Variants in ZNF726 observed in about 807,000 individuals in gnomAD.
ZNF726 encodes zinc finger protein 92 pseudogene 3.
Under a neutral mutation model 11.6 loss-of-function variants are expected in ZNF726, and 15 were observed. The observed-to-expected ratio is 1.29, with a 90% CI of 0.86 to 1.99. The LOEUF is 1.99. Among genes scored for constraint, ZNF726 ranks in the 30% most tolerant of loss-of-function variants. The pLI is 0.00. For synonymous variants in ZNF726, 295 were observed against 243.6 expected, an observed-to-expected ratio of 1.21 and a Z score of -1.96; for missense variants, 890 against 725.6, an observed-to-expected ratio of 1.23 and a Z score of -2.60.
Position 23,932,345 on chromosome 19 carries a change from A to G in ZNF726, c.229A>G (p.Ile77Val), listed in dbSNP as rs771985315. The change falls in exon 4 of 4, where the codon ATA (isoleucine) becomes GTA (valine). Residue 77 changes from isoleucine to valine, a missense_variant and splice_region_variant. Coordinates refer to ENST00000594466, the MANE Select transcript of ZNF726 (RefSeq NM_001244038.2). ...RDEMVDEPPG[I>V]CPHFAQDIWP... Reference sequence around the variant, plus strand: ...AAATTATTTTAATTTTTTTTTAGGTATATGTCCTCATTTTGCTCAAGACAT... The same window carrying G: ...AAATTATTTTAATTTTTTTTTAGGTGTATGTCCTCATTTTGCTCAAGACAT... 4.3e-6 allele frequency: 6 copies of G among 1,399,010 alleles called. No homozygotes were observed. Among genetic ancestry groups the G allele is most frequent in the East Asian group, 5.2e-5 (2 of 38,770 alleles). The allele number at this position is 1,399,010 out of a possible 1,614,324, so 86.7% of individuals were successfully genotyped here.
chr19:23,932,539 G>A lies in ZNF726; in HGVS notation c.423G>A (p.Gln141=). Reference sequence around the variant, plus strand: ...TTAACCAGTGTTTCACAACTACCCAGGGCAAAGCTTCTCAATGTGGTAAAT... The same window carrying A: ...TTAACCAGTGTTTCACAACTACCCAAGGCAAAGCTTCTCAATGTGGTAAAT... ...NGLNQCFTTT[Q]GKASQCGKYL... The change falls in exon 4 of 4, where the codon CAG becomes CAA. Residue 141 remains glutamine, a synonymous_variant. Coordinates refer to ENST00000594466, the MANE Select transcript of ZNF726 (RefSeq NM_001244038.2). The A allele has an allele frequency of 3.8e-6, 6 of 1,589,388 alleles. No individual in the cohort carries two copies. Among genetic ancestry groups the A allele is most frequent in the Non-Finnish European group, 5.1e-6 (6 of 1,172,158 alleles).
rs149755454 is a variant in ZNF726 at position 23,927,079 on chromosome 19, G to A, written c.227-5264G>A. Among the ~76,000 whole-genome samples, 117 of 152,208 alleles carry A rather than the reference G, an allele frequency of 7.7e-4. 1 individual carries two copies. Among genetic ancestry groups the A allele is most frequent in the African/African-American group, 2.5e-3 (102 of 41,528 alleles). ...TGCAACCTCTGCCTCCCAGGTTCAA[G>A]CAATTCTCCTGTCTCAACTTCCAGA... On this transcript the variant is annotated intron_variant, in intron 3 of 3. Transcript: ENST00000594466.
intron 1 of ZNF726, 59 bp downstream of exon 1, chr19:23,915,056 G>A: frequency 6.2e-7 from 1 of 1,613,206 alleles, no homozygotes; most frequent in South Asian, 1.1e-5. Flanking sequence ...GAACCGGTGG[G>A]AAGCGGCAGT....
Position 23,933,181 on chromosome 19 carries a change from C to A in ZNF726, c.1065C>A (p.His355Gln). 1 of 1,598,816 alleles carries A rather than the reference C, an allele frequency of 6.3e-7. No individual in the cohort carries two copies. The highest frequency in any genetic ancestry group is 8.5e-7 in the Non-Finnish European group (1 of 1,172,822). The change falls in exon 4 of 4, where the codon CAC becomes CAA. Residue 355 changes from histidine to glutamine, a missense_variant. His to Gln is a conservative substitution (Grantham distance 24). Transcript: ENST00000594466. ...CCAAAGCTTTTAGCCAATTCGGACA[C>A]CTTACTACACATAGGATAATTCATA... ...ECAKAFSQFGHLTTHRIIHTG... is the reference protein window; with the variant it reads ...ECAKAFSQFGQLTTHRIIHTG...
At chr19:23,937,559 G>C (rs1279922521), downstream of ZNF726, among the ~76,000 whole-genome samples, 1 of 151,772 alleles carries the variant, frequency 6.6e-6, no homozygotes, top group Non-Finnish European at 1.5e-5. Flanking sequence ...CAGCCGGGCA[G>C]AGACGCTCCT....
At chr19:23,938,056 T>C (rs967560703), downstream of ZNF726, among the ~76,000 whole-genome samples, 3 of 152,188 alleles carry the variant, frequency 2.0e-5, no homozygotes, top group Admixed American at 6.5e-5. Flanking sequence ...TACTCAATGG[T>C]GTAGGTAAAA....
chr19:23,916,429 C>T (rs1007653970), intron 1 of ZNF726, among the ~76,000 whole-genome samples: 18 of 151,982 alleles, frequency 1.2e-4, no homozygotes, highest in Admixed American at 7.9e-4. Context: ...GCCTCCTGGG[C>T]TCAAACGGTT....
In ZNF726 at chr19:23,933,082, T is replaced by C; in HGVS notation, c.966T>C (p.Phe322=). 6.2e-7 allele frequency: 1 copy of C among 1,612,326 alleles called. No individual in the cohort carries two copies. The highest frequency in any genetic ancestry group is 1.1e-5 in the South Asian group (1 of 91,060). The change falls in exon 4 of 4, where the codon TTT becomes TTC. Residue 322 remains phenylalanine (F), a synonymous_variant. Coordinates refer to ENST00000594466, the MANE Select transcript of ZNF726 (RefSeq NM_001244038.2). Reference sequence around the variant, plus strand: ...AATGTGAAGAATGTGGCAAAGCATTTGTTTGGTCCTCAACCCTAACTAGAC... The same window carrying C: ...AATGTGAAGAATGTGGCAAAGCATTCGTTTGGTCCTCAACCCTAACTAGAC... ...PYKCEECGKA[F]VWSSTLTRHK...
chr19:23,942,886 G>T (rs1255466676), intron 3 of ZNF726, among the ~76,000 whole-genome samples: 1 of 152,186 alleles, frequency 6.6e-6, no homozygotes, highest in East Asian at 1.9e-4. Context: ...TAGTTGGTGA[G>T]TTCTTGTCCA....
At chr19:23,922,291 C>T (rs1423539927) in intron 3 of ZNF726, among the ~76,000 whole-genome samples, 2 of 151,854 alleles carry the variant, frequency 1.3e-5, no homozygotes, top group Non-Finnish European at 2.9e-5. Flanking sequence ...GGCTTTCACC[C>T]AGTACAAGAG....
chr19:23,931,664 C>T (rs985127940), intron 3 of ZNF726, among the ~76,000 whole-genome samples: 1 of 152,102 alleles, frequency 6.6e-6, no homozygotes, highest in Non-Finnish European at 1.5e-5. Flanking sequence ...ATTGTCTTGG[C>T]TCATCATTAT....
downstream of ZNF726, among the ~76,000 whole-genome samples, chr19:23,936,589 A>G (rs953121177): frequency 9.9e-5 from 15 of 152,252 alleles, no homozygotes; most frequent in Admixed American, 2.6e-4. Flanking sequence ...GGACATTAAA[A>G]TGTAAGATAC....
Position 23,923,471 on chromosome 19 carries a change from G to A in ZNF726, c.226+3389G>A, listed in dbSNP as rs1433203816. The A allele has an allele frequency of 3.8e-5, 13 of 342,234 alleles. No homozygotes were observed. The East Asian group carries it at 4.5e-4, about 12-fold the overall frequency. The allele number at this position is 342,234 out of a possible 1,614,324, so 21.2% of individuals were successfully genotyped here. A position where few individuals can be genotyped will look rare whatever the true frequency, so the allele number is the denominator to read the frequency against. ...CTGTCACCCAGGCTGGAGTGCAGTGGCGTGATCTTGGCTCACTGCAACCTC... is the reference window on the plus strand; with the variant it reads ...CTGTCACCCAGGCTGGAGTGCAGTGACGTGATCTTGGCTCACTGCAACCTC... On this transcript the variant is annotated intron_variant, in intron 3 of 3. Transcript: ENST00000594466.
chr19:23,941,152 C>T (rs568219539), intron 3 of ZNF726, among the ~76,000 whole-genome samples: 2 of 152,128 alleles, frequency 1.3e-5, no homozygotes, highest in African/African-American at 4.8e-5. Flanking sequence ...AGTTGTGACC[C>T]CTGTATGCCA....
intron 1 of ZNF726, among the ~76,000 whole-genome samples, chr19:23,918,497 T>C (rs1204836022): frequency 2.0e-5 from 3 of 152,158 alleles, no homozygotes; most frequent in Non-Finnish European, 4.4e-5. Flanking sequence ...AAAATGATGT[T>C]TTCTTAGGGC....
chr19:23,916,442 C>T (rs988322257), intron 1 of ZNF726, among the ~76,000 whole-genome samples: 7 of 152,030 alleles, frequency 4.6e-5, no homozygotes, highest in Non-Finnish European at 1.0e-4. Context: ...AAACGGTTCT[C>T]ATTTCTGTCT....
chr19:23,925,181 C>T (rs972832026), intron 3 of ZNF726, among the ~76,000 whole-genome samples: 1 of 151,986 alleles, frequency 6.6e-6, no homozygotes, highest in Non-Finnish European at 1.5e-5. Flanking sequence ...CGATTTTTTT[C>T]AAGGCTGAAT....
At chr19:23,936,971 G>T (rs907099931), downstream of ZNF726, among the ~76,000 whole-genome samples, 44 of 152,050 alleles carry the variant, frequency 2.9e-4, no homozygotes, top group African/African-American at 1.1e-3. Flanking sequence ...TGAGCTGTTG[G>T]GTACACCTCC....
Position 23,934,474 on chromosome 19 carries a change from G to T in ZNF726, c.*507G>T, listed in dbSNP as rs535553405. On this transcript the variant is annotated 3_prime_UTR_variant, in exon 4 of 4. Coordinates refer to ENST00000594466, the MANE Select transcript of ZNF726 (RefSeq NM_001244038.2). ...TTCAAACTGGAAAGAAACCCTGCAAGTCTGAAGAATGTGGGAAATCTTTCT... is the reference window on the plus strand; with the variant it reads ...TTCAAACTGGAAAGAAACCCTGCAATTCTGAAGAATGTGGGAAATCTTTCT... The T allele has an allele frequency of 2.3e-5, 9 of 388,996 alleles. No homozygotes were observed. Among genetic ancestry groups the T allele is most frequent in the Middle Eastern group, 4.7e-4 (1 of 2,150 alleles). The allele number at this position is 388,996 out of a possible 1,614,324, so 24.1% of individuals were successfully genotyped here.
Sources: gnomAD v4.1 joint callset for allele counts (sites outside exome capture counted in the v4.1 genomes callset) on GRCh38, gnomAD v4.1.1 for gene constraint, MANE v1.5 for transcripts, NCBI Gene and HGNC (gene_info 2026-07-23, HGNC 2026-07-21) for gene names.